PUS7: variants seen among roughly 807,000 people sequenced by gnomAD.
The protein encoded by PUS7 is pseudouridine synthase 7.
Under a neutral mutation model 79.8 loss-of-function variants are expected in PUS7, and 48 were observed. The ratio of observed to expected loss-of-function variants is 0.60; its 90% confidence interval spans 0.48 to 0.76. The LOEUF is 0.76. Ranked by LOEUF, PUS7 falls within the 30% of genes least tolerant of loss-of-function variation. The probability of loss-of-function intolerance (pLI) is 0.00; values close to 1 mark genes in which losing one functional copy is unlikely to be tolerated. For synonymous variants in PUS7, 286 were observed against 272.2 expected (o/e 1.05, Z -0.50); for missense variants, 729 against 797.6 (o/e 0.91, Z 1.04).
rs1824778178 is a variant in PUS7 at position 105,491,518 on chromosome 7, C to T, written c.920+22G>A. On this transcript the variant is annotated intron_variant, in intron 7 of 15. Coordinates refer to ENST00000469408, the MANE Select transcript of PUS7 (RefSeq NM_019042.5). ...TGCCAGGATATTTACAGTATAAATCCTGTTACGTGCTCTCTACTTACTTGA... is the reference window on the plus strand; with the variant it reads ...TGCCAGGATATTTACAGTATAAATCTTGTTACGTGCTCTCTACTTACTTGA... 6.7e-6 allele frequency: 10 copies of T among 1,488,014 alleles called. No homozygotes were observed. In the East Asian group the frequency reaches 2.3e-4, roughly 34 times the overall value. The allele number at this position is 1,488,014 out of a possible 1,614,324, so 92.2% of individuals were successfully genotyped here. A position where few individuals can be genotyped will look rare whatever the true frequency, so the allele number is the denominator to read the frequency against.
rs1192633329 is a variant in PUS7 at position 105,481,047 on chromosome 7, C to T, written c.1175+5G>A. On this transcript the variant is annotated splice_donor_5th_base_variant and intron_variant, in intron 9 of 15. Coordinates refer to ENST00000469408, the MANE Select transcript of PUS7 (RefSeq NM_019042.5). ...TATTTTTGATAAAAGAAATTAAATACCAACCTTCCAACCTGATACGTAGGG... is the reference window on the plus strand; with the variant it reads ...TATTTTTGATAAAAGAAATTAAATATCAACCTTCCAACCTGATACGTAGGG... The T allele has an allele frequency of 6.2e-7, 1 of 1,600,846 alleles. No homozygotes were observed. Among genetic ancestry groups the T allele is most frequent in the South Asian group, 1.1e-5 (1 of 87,768 alleles).
chr7:105,520,316 G>A (rs1025379991), intron 1 of PUS7, among the ~76,000 whole-genome samples: 3 of 151,932 alleles, frequency 2.0e-5, no homozygotes, highest in Non-Finnish European at 4.4e-5. Context: ...AAAATTAGCC[G>A]GGCGTGGTGG....
At chr7:105,491,902 CA>C (rs1334003540) in intron 6 of PUS7, among the ~76,000 whole-genome samples, 5 of 151,758 alleles carry the variant, frequency 3.3e-5, no homozygotes, top group Admixed American at 3.3e-4. Context: ...ACTAAAAATA[CA>C]AAAATTAGCT....
At chr7:105,495,429 CTTAACA>C (rs948889939) in intron 5 of PUS7, 176 bp from the exon 6 acceptor site, 52 of 492,514 alleles carry the variant, frequency 1.1e-4, no homozygotes, top group East Asian at 8.1e-4. Context: ...TAATTGGACA[CTTAACA>C]TTATCTATCC....
intron 1 of PUS7, among the ~76,000 whole-genome samples, chr7:105,510,240 T>C (rs1182938475): frequency 6.6e-6 from 1 of 151,928 alleles, no homozygotes; most frequent in Non-Finnish European, 1.5e-5. Context: ...GTGGAGGTTG[T>C]GGTGAGCTGA....
intron 7 of PUS7, among the ~76,000 whole-genome samples, chr7:105,485,976 GT>G (rs1824531039): frequency 1.3e-5 from 2 of 152,008 alleles, no homozygotes; most frequent in African/African-American, 4.8e-5. Flanking sequence ...GCCTCCGAAA[GT>G]GCTGGGATTA....
At chr7:105,505,162 G>C (rs983915552) in intron 4 of PUS7, among the ~76,000 whole-genome samples, 6 of 151,722 alleles carry the variant, frequency 4.0e-5, no homozygotes, top group African/African-American at 1.5e-4. Context: ...TACCACGCTT[G>C]GCTAATTTTT....
chr7:105,484,593 C>T (rs1034964883), intron 7 of PUS7, among the ~76,000 whole-genome samples: 2 of 150,592 alleles, frequency 1.3e-5, no homozygotes, highest in South Asian at 2.1e-4. Context: ...CCGAGGCGGG[C>T]GGATTACCTG....
chr7:105,496,102 G>A lies in PUS7; in HGVS notation c.731-849C>T, dbSNP rs182879067. Reference sequence around the variant, plus strand: ...TTGAACCCAGGAGGTGGAGGTTACCGAGCCAAGATCGTGCCATTGCATTCC... The same window carrying A: ...TTGAACCCAGGAGGTGGAGGTTACCAAGCCAAGATCGTGCCATTGCATTCC... On this transcript the variant is annotated intron_variant, in intron 5 of 15. Transcript: ENST00000469408. Among the ~76,000 whole-genome samples the A allele has an allele frequency of 2.5e-4, 38 of 151,120 alleles. 1 individual carries two copies. The East Asian group carries it at 7.2e-3, about 29-fold the overall frequency.
At chr7:105,515,579 T>C (rs1179574245) in intron 1 of PUS7, among the ~76,000 whole-genome samples, 4 of 152,184 alleles carry the variant, frequency 2.6e-5, no homozygotes. Flanking sequence ...CACTTTTAAA[T>C]TTCAAATGAA....
At chr7:105,520,855 C>T (rs776965203) in intron 1 of PUS7, among the ~76,000 whole-genome samples, 1 of 151,794 alleles carries the variant, frequency 6.6e-6, no homozygotes, top group Non-Finnish European at 1.5e-5. Flanking sequence ...CTGGGCAACA[C>T]AGCGAGACCC....
intron 12 of PUS7, 100 bp from the exon 13 acceptor site, chr7:105,465,514 A>C (rs906981489): frequency 1.2e-6 from 1 of 865,394 alleles, no homozygotes; most frequent in Admixed American, 2.4e-5. Context: ...CAGAAGTACA[A>C]GTTGGTACAG....
intron 5 of PUS7, among the ~76,000 whole-genome samples, chr7:105,496,566 C>T (rs1448254173): frequency 1.3e-5 from 2 of 152,148 alleles, no homozygotes; most frequent in Non-Finnish European, 2.9e-5. Context: ...GCTTAAGATA[C>T]TGCTGGTACC....
At chr7:105,490,261 C>T (rs1034356043) in intron 7 of PUS7, among the ~76,000 whole-genome samples, 20 of 152,008 alleles carry the variant, frequency 1.3e-4, no homozygotes, top group Non-Finnish European at 2.5e-4. Context: ...GTGTATAAGC[C>T]CATGAAACCA....
chr7:105,457,822 G>C lies in PUS7; in HGVS notation c.1954C>G (p.Gln652Glu). 1 of 1,614,110 alleles carries C rather than the reference G, an allele frequency of 6.2e-7. No individual in the cohort carries two copies. Among genetic ancestry groups the C allele is most frequent in the Non-Finnish European group, 8.5e-7 (1 of 1,179,978 alleles). The change falls in exon 16 of 16, where the codon CAG becomes GAG. Residue 652 changes from glutamine to glutamate, a missense_variant. Coordinates refer to ENST00000469408, the MANE Select transcript of PUS7 (RefSeq NM_019042.5). ...VLKMDTSIKNQTQLNTTWLR is the reference protein window; with the variant it reads ...VLKMDTSIKNETQLNTTWLR The stretch of plus-strand genomic sequence containing the variant: ...AGCCAGGTTGTATTCAGCTGCGTCT[G>C]GTTCTTGATACTGGTATCCATTTTT...
rs1825291563 is a variant in PUS7 at position 105,502,435 on chromosome 7, T to C, written c.715A>G (p.Lys239Glu). The C allele has an allele frequency of 6.2e-7, 1 of 1,614,054 alleles. No homozygotes were observed. Among genetic ancestry groups the C allele is most frequent in the Non-Finnish European group, 8.5e-7 (1 of 1,180,034 alleles). ...AGACACCTACTTGCCAAAGCCTTTT[T>C]CCCAGCTGCGTGGTAGGCTACAATG... ...KYIVAYHAAGKKALANPRKHS... is the reference protein window; with the variant it reads ...KYIVAYHAAGEKALANPRKHS... Residue 239 changes from lysine to glutamate, a missense_variant, in exon 5 of 16, where the codon AAA (lysine) becomes GAA (glutamate). Lys to Glu is a moderately conservative substitution (Grantham distance 56). Coordinates refer to ENST00000469408, the MANE Select transcript of PUS7 (RefSeq NM_019042.5).
Position 105,514,533 on chromosome 7 carries a change from G to A in PUS7, c.-32-5989C>T, listed in dbSNP as rs539784631. Among the ~76,000 whole-genome samples the A allele has an allele frequency of 2.9e-3, 445 of 151,550 alleles. 4 individuals are homozygous for A. The highest frequency in any genetic ancestry group is 0.01 in the African/African-American group (424 of 41,388). On this transcript the variant is annotated intron_variant, in intron 1 of 15. Transcript: ENST00000469408. ...GCAGGAGAATGGCGTGAACCCGGGA[G>A]GCCGAGCTTGCAGTGAGCCGAGATC...
chr7:105,489,147 CAA>C (rs762504334), intron 7 of PUS7, among the ~76,000 whole-genome samples: 74 of 33,690 alleles, frequency 2.2e-3, no homozygotes, highest in African/African-American at 6.5e-3. Flanking sequence ...AACTCCATCT[CAA>C]AAAAAAAAAA....
At chr7:105,480,769 T>C (rs1824288437) in intron 9 of PUS7, among the ~76,000 whole-genome samples, 1 of 151,952 alleles carries the variant, frequency 6.6e-6, no homozygotes, top group African/African-American at 2.4e-5. Flanking sequence ...AGGGCGAAAC[T>C]CTGTCTCAGA....
Sources: allele counts gnomAD v4.1 joint callset (sites outside exome capture counted in the v4.1 genomes callset), GRCh38; gene constraint gnomAD v4.1.1; transcripts MANE v1.5; gene names NCBI Gene and HGNC (gene_info 2026-07-23, HGNC 2026-07-21).